The following LRRTM2 variants were observed in gnomAD, a reference collection of about 807,000 sequenced individuals.
LRRTM2 encodes leucine-rich repeat transmembrane neuronal protein 2.
LRRTM2 carries 14 observed loss-of-function variants against 40.7 expected under a neutral mutation model. The ratio of observed to expected loss-of-function variants is 0.34; its 90% CI spans 0.23 to 0.54. The LOEUF (loss-of-function observed/expected upper bound fraction) is 0.54, where lower values mean the gene tolerates loss of function less well. LRRTM2 is among the 20% of genes least tolerant of loss of function. The probability of loss-of-function intolerance (pLI) is 0.92; values close to 1 mark genes in which losing one functional copy is unlikely to be tolerated. For missense variants in LRRTM2, 468 were observed against 624.4 expected, an observed-to-expected ratio of 0.75 and a Z score of 2.67; for synonymous variants, 223 against 237.6, an observed-to-expected ratio of 0.94 and a Z score of 0.57.
rs929341503 is a variant in LRRTM2, at chr5:138,871,638, G to A, written c.*1372C>T. ...TGCCTTGTAACTCCAGCTAACCTGA[G>A]AGTCAGATTTCAAAATCTGCCTTTC... is the stretch of plus-strand genomic sequence containing the variant. On this transcript the variant is annotated 3_prime_UTR_variant, in exon 2 of 2. Coordinates refer to ENST00000274711, the MANE Select transcript of LRRTM2 (RefSeq NM_015564.3). 1 of 152,184 alleles carries A rather than the reference G, an allele frequency of 6.6e-6. No homozygotes were observed. 9.4% of individuals were successfully genotyped at this position (152,184 alleles called of 1,614,324 possible).
rs1488143091 is a variant in LRRTM2 at position 138,874,124 on chromosome 5, G to A, written c.437C>T (p.Ser146Leu). ...QNLDLSFNQL[S>L]SLHPELFYGL... ...ATAGAAGAGCTCTGGGTGCAGAGAT[G>A]ACAGCTGATTAAAAGACAGGTCCAA... Residue 146 changes from serine (S) to leucine (L), a missense_variant, in exon 2 of 2, where the codon TCA (serine) becomes TTA (leucine). Coordinates refer to ENST00000274711, the MANE Select transcript of LRRTM2 (RefSeq NM_015564.3). The surrounding 1 kb of genome is among the most constrained non-coding windows in gnomAD (Gnocchi z 4.1). 2 of 1,613,576 alleles carry A rather than the reference G, an allele frequency of 1.2e-6. No individual in the cohort carries two copies. The highest frequency in any genetic ancestry group is 1.7e-6 in the Non-Finnish European group (2 of 1,179,720).
In LRRTM2 at chr5:138,871,274, A is replaced by C. The variant is rs977884436; in HGVS notation, c.*1736T>G. 1 of 152,236 alleles carries C rather than the reference A, an allele frequency of 6.6e-6. No homozygotes were observed. The highest frequency in any genetic ancestry group is 2.4e-5 in the African/African-American group (1 of 41,476). 9.4% of individuals were successfully genotyped at this position (152,236 alleles called of 1,614,324 possible). A position where few individuals can be genotyped will look rare whatever the true frequency, so the allele number is the denominator to read the frequency against. On this transcript the variant is annotated 3_prime_UTR_variant, in exon 2 of 2. Transcript: ENST00000274711. ...CTCTAAGGTTTTATGTCTTTTTTCT[A>C]CATACAGTAAATGGCAGTTGTAAAA...
In LRRTM2 at chr5:138,872,796, G is replaced by C; in HGVS notation, c.*214C>G. The C allele has an allele frequency of 2.3e-6, 1 of 441,966 alleles. No individual in the cohort carries two copies. Among genetic ancestry groups the C allele is most frequent in the South Asian group, 5.5e-5 (1 of 18,340 alleles). The allele number at this position is 441,966 out of a possible 1,614,324, so 27.4% of individuals were successfully genotyped here. A position where few individuals can be genotyped will look rare whatever the true frequency, so the allele number is the denominator to read the frequency against. On this transcript the variant is annotated 3_prime_UTR_variant, in exon 2 of 2. Coordinates refer to ENST00000274711, the MANE Select transcript of LRRTM2 (RefSeq NM_015564.3). ...GTAAGCATTTTAGACTTTCCAACAG[G>C]AGTGCAAATTAATGTGAGCATTGAT...
Position 138,874,994 on chromosome 5 carries a change from G to A in LRRTM2, c.-83C>T. ...GTCTGTAAAAGGCTCTAACATGTAG[G>A]AGCCTTTGACCAGTTTCCTGTTTTC... On this transcript the variant is annotated 5_prime_UTR_variant, in exon 1 of 2. Transcript: ENST00000274711. The surrounding 1 kb of genome is among the most constrained non-coding windows in gnomAD (Gnocchi z 4.1). 7.0e-7 allele frequency: 1 copy of A among 1,431,192 alleles called. No individual in the cohort carries two copies. The highest frequency in any genetic ancestry group is 9.8e-7 in the Non-Finnish European group (1 of 1,023,374). 88.7% of individuals were successfully genotyped at this position (1,431,192 alleles called of 1,614,324 possible).
Position 138,869,372 on chromosome 5 carries a change from CTCTTT to C in LRRTM2, c.*3633_*3637del, listed in dbSNP as rs1167907753. 1 of 141,930 alleles carries C rather than the reference CTCTTT, an allele frequency of 7.0e-6. No individual in the cohort carries two copies. Among genetic ancestry groups the C allele is most frequent in the Non-Finnish European group, 1.6e-5 (1 of 63,800 alleles). 8.8% of individuals were successfully genotyped at this position (141,930 alleles called of 1,614,324 possible). The stretch of plus-strand genomic sequence containing the variant: ...CTATAGATGGCCTTACTGTCTCTCT[CTCTTT>C]TTTTTTTTTTTTCCTGGCTCAAGGG... On this transcript the variant is annotated 3_prime_UTR_variant, in exon 2 of 2. Transcript: ENST00000274711.
rs1412389511 is a variant in LRRTM2 at position 138,869,436 on chromosome 5, A to C, written c.*3574T>G. The C allele has an allele frequency of 2.0e-5, 3 of 151,564 alleles. No individual in the cohort carries two copies. Among genetic ancestry groups the C allele is most frequent in the Non-Finnish European group, 2.9e-5 (2 of 67,928 alleles). 9.4% of individuals were successfully genotyped at this position (151,564 alleles called of 1,614,324 possible). ...AATAAGATATGAAAAGTATGCCCCC[A>C]AACAGACTTTTCAGATAGGTCTGTC... On this transcript the variant is annotated 3_prime_UTR_variant, in exon 2 of 2. Coordinates refer to ENST00000274711, the MANE Select transcript of LRRTM2 (RefSeq NM_015564.3).
rs1470888475 is a variant in LRRTM2 at position 138,873,813 on chromosome 5, A to G, written c.748T>C (p.Trp250Arg). Reference sequence around the variant, plus strand: ...AGCTTTTCTAAAGTGCCCCAGGTCCACTCCATCCCACATGTCAAGTTGCTG... The same window carrying G: ...AGCTTTTCTAAAGTGCCCCAGGTCCGCTCCATCCCACATGTCAAGTTGCTG... ...KISNLTCGME[W>R]TWGTLEKLDL... is the part of the protein sequence containing the mutation. The change falls in exon 2 of 2, where the codon TGG (tryptophan) becomes CGG (arginine). Residue 250 changes from tryptophan to arginine, a missense_variant. Physicochemically the swap from Trp to Arg is moderately radical, Grantham distance 101. Transcript: ENST00000274711. The surrounding 1 kb of genome is among the most constrained non-coding windows in gnomAD (Gnocchi z 6.1). 1.2e-6 allele frequency: 2 copies of G among 1,613,832 alleles called. No homozygotes were observed. The highest frequency in any genetic ancestry group is 2.2e-5 in the East Asian group (1 of 44,872).
Position 138,873,024 on chromosome 5 carries a change from C to T in LRRTM2, c.1537G>A (p.Glu513Lys), listed in dbSNP as rs1750829944. Residue 513 changes from glutamate to lysine, a missense_variant, in exon 2 of 2, where the codon GAA becomes AAA. Physicochemically the swap from Glu to Lys is moderately conservative, Grantham distance 56. Transcript: ENST00000274711. The surrounding 1 kb of genome is among the most constrained non-coding windows in gnomAD (Gnocchi z 6.1). The stretch of plus-strand genomic sequence containing the variant: ...ATGGGTAGATATTATACTTCACATT[C>T]TTTGTATGGCAGCTGCTGACACTTG... Reference protein sequence around the residue: ...QCKCQQLPYKECEV With the variant: ...QCKCQQLPYKKCEV The T allele has an allele frequency of 6.2e-7, 1 of 1,604,908 alleles. No individual in the cohort carries two copies. Among genetic ancestry groups the T allele is most frequent in the Non-Finnish European group, 8.5e-7 (1 of 1,175,176 alleles).
Position 138,875,147 on chromosome 5 carries a change from T to C in LRRTM2, c.-236A>G, listed in dbSNP as rs1221913535. On this transcript the variant is annotated 5_prime_UTR_variant, in exon 1 of 2. Transcript: ENST00000274711. Reference sequence around the variant, plus strand: ...CTGATCCCTAAATCAGTTTTGAATATAAGTTATTAAATTTCTCCACCTCTA... The same window carrying C: ...CTGATCCCTAAATCAGTTTTGAATACAAGTTATTAAATTTCTCCACCTCTA... 4.5e-6 allele frequency: 2 copies of C among 449,412 alleles called. No homozygotes were observed. The highest frequency in any genetic ancestry group is 2.0e-5 in the African/African-American group (1 of 49,220). 27.8% of individuals were successfully genotyped at this position (449,412 alleles called of 1,614,324 possible).
rs754003347 is a variant in LRRTM2 at position 138,874,340 on chromosome 5, G to T, written c.221C>A (p.Thr74Lys). The change falls in exon 2 of 2, where the codon ACA (threonine) becomes AAA (lysine). Residue 74 changes from threonine (T) to lysine (K), a missense_variant. Transcript: ENST00000274711. The surrounding 1 kb of genome is among the most constrained non-coding windows in gnomAD (Gnocchi z 4.1). ...GGCAAATTGATCTCTTTCGAGCTCT[G>T]TGATGTGATTGTGCCTCAGGGACAG... Reference protein sequence around the residue: ...LGLSLRHNHITELERDQFASF... With the variant: ...LGLSLRHNHIKELERDQFASF... 2.5e-6 allele frequency: 4 copies of T among 1,613,908 alleles called. No individual in the cohort carries two copies. Among genetic ancestry groups the T allele is most frequent in the Admixed American group, 3.3e-5 (2 of 60,004 alleles).
rs1751082096 is a variant in LRRTM2, at chr5:138,874,572, T to C, written c.5-16A>G. The C allele has an allele frequency of 2.1e-6, 3 of 1,454,018 alleles. No homozygotes were observed. In the East Asian group the frequency reaches 7.3e-5, roughly 36 times the overall value. The allele number at this position is 1,454,018 out of a possible 1,614,324, so 90.1% of individuals were successfully genotyped here. A position where few individuals can be genotyped will look rare whatever the true frequency, so the allele number is the denominator to read the frequency against. ...AAATGTAAGCCTGCAGAATATAATT[T>C]AAGGAAAACAAGAAGATAGGATATT... On this transcript the variant is annotated splice_polypyrimidine_tract_variant and intron_variant, in intron 1 of 1. Coordinates refer to ENST00000274711, the MANE Select transcript of LRRTM2 (RefSeq NM_015564.3). The surrounding 1 kb of genome is among the most constrained non-coding windows in gnomAD (Gnocchi z 4.1).
Position 138,868,991 on chromosome 5 carries a change from C to T in LRRTM2, c.*4019G>A, listed in dbSNP as rs1326277258. ...TACACTGCTCTTTATGTTACCCTCC[C>T]CCCTCCCAAAACACCCTGCATAATA... On this transcript the variant is annotated 3_prime_UTR_variant, in exon 2 of 2. Transcript: ENST00000274711. 6.7e-6 allele frequency: 1 copy of T among 148,948 alleles called. No homozygotes were observed. Among genetic ancestry groups the T allele is most frequent in the East Asian group, 2.0e-4 (1 of 5,042 alleles). The allele number at this position is 148,948 out of a possible 1,614,324, so 9.2% of individuals were successfully genotyped here.
Position 138,874,630 on chromosome 5 carries a change from A to T in LRRTM2, c.5-74T>A. ...AGAACATATGGGCTATTTAAAAAAAACAACCACCACCAACATTATAGCAAA... is the reference window on the plus strand; with the variant it reads ...AGAACATATGGGCTATTTAAAAAAATCAACCACCACCAACATTATAGCAAA... On this transcript the variant is annotated intron_variant, in intron 1 of 1. Transcript: ENST00000274711. The surrounding 1 kb of genome is among the most constrained non-coding windows in gnomAD (Gnocchi z 4.1). The T allele has an allele frequency of 1.1e-6, 1 of 931,026 alleles. No homozygotes were observed. Among genetic ancestry groups the T allele is most frequent in the Non-Finnish European group, 1.6e-6 (1 of 634,118 alleles). 57.7% of individuals were successfully genotyped at this position (931,026 alleles called of 1,614,324 possible). A position where few individuals can be genotyped will look rare whatever the true frequency, so the allele number is the denominator to read the frequency against.
At position 138,873,395 on chromosome 5, in the gene LRRTM2, C is replaced by G. The variant is rs1750887642; in HGVS notation, c.1166G>C (p.Ser389Thr). The G allele has an allele frequency of 6.2e-7, 1 of 1,613,894 alleles. No individual in the cohort carries two copies. The highest frequency in any genetic ancestry group is 1.3e-5 in the African/African-American group (1 of 74,924). Reference protein sequence around the residue: ...TEYTKRISSSSYHVGDKEIPT... With the variant: ...TEYTKRISSSTYHVGDKEIPT... The stretch of plus-strand genomic sequence containing the variant: ...GATTTCTTTGTCTCCCACATGGTAA[C>G]TTGATGAGCTTATTCTTTTTGTATA... Residue 389 changes from serine to threonine, a missense_variant, in exon 2 of 2, where the codon AGT becomes ACT. By Grantham distance (58) the Ser-to-Thr change is moderately conservative (BLOSUM62 1). Coordinates refer to ENST00000274711, the MANE Select transcript of LRRTM2 (RefSeq NM_015564.3). The surrounding 1 kb of genome is among the most constrained non-coding windows in gnomAD (Gnocchi z 6.1).
rs1750775530 is a variant in LRRTM2, at chr5:138,872,569, T to C, written c.*441A>G. 1 of 153,370 alleles carries C rather than the reference T, an allele frequency of 6.5e-6. No individual in the cohort carries two copies. The highest frequency in any genetic ancestry group is 1.9e-4 in the East Asian group (1 of 5,208). 9.5% of individuals were successfully genotyped at this position (153,370 alleles called of 1,614,324 possible). On this transcript the variant is annotated 3_prime_UTR_variant, in exon 2 of 2. Coordinates refer to ENST00000274711, the MANE Select transcript of LRRTM2 (RefSeq NM_015564.3). Reference sequence around the variant, plus strand: ...ATACCAAATTATCATACAAGAGAACTTTACTAAGTCTCCTTTTAAGCAGCA... The same window carrying C: ...ATACCAAATTATCATACAAGAGAACCTTACTAAGTCTCCTTTTAAGCAGCA...
chr5:138,874,988 A>C lies in LRRTM2; in HGVS notation c.-77T>G, dbSNP rs548624174. On this transcript the variant is annotated 5_prime_UTR_variant, in exon 1 of 2. The change abolishes an upstream ATG in the 5' untranslated region. Coordinates refer to ENST00000274711, the MANE Select transcript of LRRTM2 (RefSeq NM_015564.3). The surrounding 1 kb of genome is among the most constrained non-coding windows in gnomAD (Gnocchi z 4.1). ...CAGTGAGTCTGTAAAAGGCTCTAAC[A>C]TGTAGGAGCCTTTGACCAGTTTCCT... 1.3e-5 allele frequency: 20 copies of C among 1,491,572 alleles called. No individual in the cohort carries two copies. The African/African-American group carries it at 2.8e-4, about 21-fold the overall frequency. The allele number at this position is 1,491,572 out of a possible 1,614,324, so 92.4% of individuals were successfully genotyped here.
rs1379080202 is a variant in LRRTM2, at chr5:138,871,084, T to C, written c.*1926A>G. On this transcript the variant is annotated 3_prime_UTR_variant, in exon 2 of 2. Coordinates refer to ENST00000274711, the MANE Select transcript of LRRTM2 (RefSeq NM_015564.3). ...GGTGAAGGGTACTAAGGTACCCATC[T>C]CTTAGTATTAAAGAAGAAAAATTGT... The C allele has an allele frequency of 6.6e-6, 1 of 152,200 alleles. No homozygotes were observed. Among genetic ancestry groups the C allele is most frequent in the African/African-American group, 2.4e-5 (1 of 41,460 alleles). The allele number at this position is 152,200 out of a possible 1,614,324, so 9.4% of individuals were successfully genotyped here. A position where few individuals can be genotyped will look rare whatever the true frequency, so the allele number is the denominator to read the frequency against.
In LRRTM2 at chr5:138,875,042, A is replaced by G. The variant is rs367851057; in HGVS notation, c.-131T>C. On this transcript the variant is annotated 5_prime_UTR_variant, in exon 1 of 2. Coordinates refer to ENST00000274711, the MANE Select transcript of LRRTM2 (RefSeq NM_015564.3). ...TTCTGTGTCCCAGGCTTTCCAAGTA[A>G]AATTGAATCCACCAGGACGAGTTGT... 266 of 866,932 alleles carry G rather than the reference A, an allele frequency of 3.1e-4. 1 individual carries two copies. In the South Asian group the frequency reaches 3.9e-3, roughly 13 times the overall value. The allele number at this position is 866,932 out of a possible 1,614,324, so 53.7% of individuals were successfully genotyped here.
Position 138,875,173 on chromosome 5 carries a change from A to C in LRRTM2, c.-262T>G. 2 of 377,232 alleles carry C rather than the reference A, an allele frequency of 5.3e-6. No homozygotes were observed. The highest frequency in any genetic ancestry group is 9.4e-6 in the Non-Finnish European group (2 of 213,820). 23.4% of individuals were successfully genotyped at this position (377,232 alleles called of 1,614,324 possible). A position where few individuals can be genotyped will look rare whatever the true frequency, so the allele number is the denominator to read the frequency against. ...AAGTTATTAAATTTCTCCACCTCTA[A>C]CTGCTCAGCTGGTTAATCAAAGCTT... On this transcript the variant is annotated 5_prime_UTR_variant, in exon 1 of 2. Coordinates refer to ENST00000274711, the MANE Select transcript of LRRTM2 (RefSeq NM_015564.3).
Sources: allele counts gnomAD v4.1 joint callset, GRCh38; gene constraint gnomAD v4.1.1; non-coding constraint Gnocchi (gnomAD v3.1); transcripts MANE v1.5; gene names NCBI Gene and HGNC (gene_info 2026-07-23, HGNC 2026-07-21).